CBLB: variants seen among roughly 807,000 people sequenced by gnomAD.
CBLB encodes Cbl proto-oncogene B.
CBLB carries 31 observed loss-of-function variants against 104.9 expected under a neutral mutation model. The ratio of observed to expected loss-of-function variants is 0.30; its 90% confidence interval spans 0.22 to 0.40. The LOEUF is 0.40. Ranked by LOEUF, CBLB falls within the 10% of genes least tolerant of loss-of-function variation. CBLB has a pLI of 1.00. For synonymous variants in CBLB, 440 were observed against 422.6 expected (o/e 1.04, Z -0.51); for missense variants, 1,062 against 1,214.6 (o/e 0.87, Z 1.87).
chr3:105,678,398 A>C, intron 17 of CBLB, 33 bp downstream of exon 17: 2 of 1,607,868 alleles, frequency 1.2e-6, no homozygotes, highest in African/African-American at 1.3e-5. Flanking sequence ...TTTTGCTTTA[A>C]GTGAATAGTT....
chr3:105,689,876 A>T (rs142899486), intron 13 of CBLB, among the ~76,000 whole-genome samples: 102 of 152,192 alleles, frequency 6.7e-4, no homozygotes, highest in African/African-American at 2.4e-3. Flanking sequence ...AAAAACATTA[A>T]TTTAGAAAAA....
intron 4 of CBLB, among the ~76,000 whole-genome samples, chr3:105,760,019 G>A (rs1033227694): frequency 1.3e-5 from 2 of 152,172 alleles, no homozygotes; most frequent in African/African-American, 4.8e-5. Flanking sequence ...ATATTCTGCA[G>A]CCTAAATCTA....
In CBLB at chr3:105,822,505, C is replaced by T. The variant is rs1276322450; in HGVS notation, c.419+30909G>A. On this transcript the variant is annotated intron_variant, in intron 3 of 18. Coordinates refer to ENST00000394030, the MANE Select transcript of CBLB (RefSeq NM_170662.5). ...AGTGAACTAAAATAATGTTCCCACT[C>T]AGTTACATTTGCTGGGAGGTTATTA... Among the ~76,000 whole-genome samples the T allele has an allele frequency of 2.0e-5, 3 of 152,172 alleles. No homozygotes were observed. The East Asian group carries it at 5.8e-4, about 29-fold the overall frequency.
intron 17 of CBLB, chr3:105,672,027 T>C: frequency 5.2e-6 from 1 of 191,414 alleles, no homozygotes; most frequent in Non-Finnish European, 1.1e-5. Flanking sequence ...GCACTAGATA[T>C]TTCATAAAAT....
At chr3:105,726,939 A>G (rs1295769647) in intron 9 of CBLB, among the ~76,000 whole-genome samples, 1 of 152,062 alleles carries the variant, frequency 6.6e-6, no homozygotes, top group Non-Finnish European at 1.5e-5. Flanking sequence ...CATTTTCTTT[A>G]TCCAGTCTAT....
intron 10 of CBLB, among the ~76,000 whole-genome samples, chr3:105,713,640 GC>G (rs2152811345): frequency 6.6e-6 from 1 of 152,308 alleles, no homozygotes; most frequent in South Asian, 2.1e-4. Context: ...CTTGGATGAT[GC>G]AGTTGTTTCT....
chr3:105,863,921 G>A, intron 2 of CBLB, among the ~76,000 whole-genome samples: 1 of 152,192 alleles, frequency 6.6e-6, no homozygotes, highest in South Asian at 2.1e-4. Context: ...GTATCTATTA[G>A]ATGGAAAATT....
At chr3:105,705,544 T>C (rs2069961480) in intron 10 of CBLB, among the ~76,000 whole-genome samples, 2 of 152,184 alleles carry the variant, frequency 1.3e-5, no homozygotes, top group African/African-American at 4.8e-5. Flanking sequence ...GTTTCTTTAT[T>C]GGGATTTGTC....
intron 7 of CBLB, among the ~76,000 whole-genome samples, chr3:105,739,557 C>A (rs2075309059): frequency 6.6e-6 from 1 of 152,066 alleles, no homozygotes; most frequent in Admixed American, 6.5e-5. Context: ...AACAGATTGT[C>A]CATACTTTGT....
chr3:105,809,590 C>A (rs1485512447), intron 3 of CBLB, among the ~76,000 whole-genome samples: 1 of 152,162 alleles, frequency 6.6e-6, no homozygotes, highest in Non-Finnish European at 1.5e-5. Context: ...CCCAGAATAT[C>A]TACTAAAAGA....
At chr3:105,676,786 A>G (rs2065695544) in intron 17 of CBLB, among the ~76,000 whole-genome samples, 1 of 152,166 alleles carries the variant, frequency 6.6e-6, no homozygotes, top group African/African-American at 2.4e-5. Context: ...GAGGGAACTG[A>G]TGGGAGATGA....
chr3:105,767,334 A>G (rs2078332868), intron 4 of CBLB, among the ~76,000 whole-genome samples: 1 of 152,090 alleles, frequency 6.6e-6, no homozygotes, highest in Non-Finnish European at 1.5e-5. Context: ...CACTCGCTGG[A>G]AAGGTAAAGA....
chr3:105,670,158 TAAG>T lies in CBLB; in HGVS notation c.2689+72_2689+74del. 2.5e-6 allele frequency: 3 copies of T among 1,202,382 alleles called. No individual in the cohort carries two copies. In the South Asian group the frequency reaches 3.7e-5, roughly 15 times the overall value. The allele number at this position is 1,202,382 out of a possible 1,614,324, so 74.5% of individuals were successfully genotyped here. On this transcript the variant is annotated intron_variant, in intron 18 of 18. Transcript: ENST00000394030. ...AACATTCATTAAATTATATAATGAA[TAAG>T]AAGGTGTTCTGAAAAGCAAAAAGCA...
rs186605380 is a variant in CBLB, at chr3:105,696,264, A to C, written c.1960-2676T>G. On this transcript the variant is annotated intron_variant, in intron 12 of 18. Transcript: ENST00000394030. ...GGACCTAAATGCGCAGGTACTTTATAAAATGATGATCATGTTTCCGTTCAT... is the reference window on the plus strand; with the variant it reads ...GGACCTAAATGCGCAGGTACTTTATCAAATGATGATCATGTTTCCGTTCAT... 1.5e-3 allele frequency among the ~76,000 whole-genome samples: 224 copies of C among 151,836 alleles called. 2 individuals are homozygous for C. The highest frequency in any genetic ancestry group is 2.1e-3 in the Non-Finnish European group (139 of 67,678).
chr3:105,767,218 T>G (rs2078320503), intron 4 of CBLB, among the ~76,000 whole-genome samples: 1 of 152,148 alleles, frequency 6.6e-6, no homozygotes, highest in Non-Finnish European at 1.5e-5. Flanking sequence ...TAAAAACTCT[T>G]AATTTCTACT....
intron 13 of CBLB, among the ~76,000 whole-genome samples, chr3:105,686,801 G>A (rs539338636): frequency 3.5e-4 from 53 of 152,180 alleles, no homozygotes; most frequent in Admixed American, 1.3e-3. Flanking sequence ...AGCAACTTTA[G>A]AATTCACATG....
Position 105,655,641 on chromosome 3 carries a change from A to G in CBLB, c.*3329T>C, listed in dbSNP as rs1333057724. The G allele has an allele frequency of 5.2e-6, 1 of 192,828 alleles. No individual in the cohort carries two copies. 11.9% of individuals were successfully genotyped at this position (192,828 alleles called of 1,614,324 possible). Reference sequence around the variant, plus strand: ...AAAAACAATAAAATAGTAATTGGGGAAAAAACCCTTCACTCTATTGGTGTC... The same window carrying G: ...AAAAACAATAAAATAGTAATTGGGGGAAAAACCCTTCACTCTATTGGTGTC... On this transcript the variant is annotated 3_prime_UTR_variant, in exon 19 of 19. Transcript: ENST00000394030.
rs9657923 is a variant in CBLB, at chr3:105,681,846, A to G, written c.2202-28T>C. ...AAAGGACAGTTCAGAGTAAAATTAT[A>G]TAAGGAGAATACTTTCCAATTAAAA... On this transcript the variant is annotated intron_variant, in intron 14 of 18. Transcript: ENST00000394030. 2.2e-3 allele frequency: 2,828 copies of G among 1,257,864 alleles called. 50 individuals are homozygous for G. In the African/African-American group the frequency reaches 0.035, roughly 16 times the overall value. The allele number at this position is 1,257,864 out of a possible 1,614,324, so 77.9% of individuals were successfully genotyped here.
At chr3:105,661,216 T>C (rs1301257941) in intron 18 of CBLB, among the ~76,000 whole-genome samples, 1 of 152,226 alleles carries the variant, frequency 6.6e-6, no homozygotes, top group Non-Finnish European at 1.5e-5. Context: ...TAAGAACATA[T>C]AATTTCTGGT....
Sources: gnomAD v4.1 joint callset for allele counts (sites outside exome capture counted in the v4.1 genomes callset) on GRCh38, gnomAD v4.1.1 for gene constraint, MANE v1.5 for transcripts, NCBI Gene and HGNC (gene_info 2026-07-23, HGNC 2026-07-21) for gene names.